Variants in RAD51B observed in about 807,000 individuals in gnomAD.
The protein encoded by RAD51B is RAD51 paralog B, also known as DNA repair protein RAD51 homolog 2.
RAD51B carries 38 observed loss-of-function variants against 42.2 expected under a neutral mutation model. The ratio of observed to expected loss-of-function variants is 0.90; its 90% CI spans 0.70 to 1.18. The LOEUF (loss-of-function observed/expected upper bound fraction) is 1.18, where lower values mean the gene tolerates loss of function less well. RAD51B is among the 50% of genes most tolerant of loss of function. RAD51B has a pLI of 0.00. For synonymous variants in RAD51B, 154 were observed against 145.2 expected (o/e 1.06, Z -0.43); for missense variants, 373 against 400.7 (o/e 0.93, Z 0.59).
intron 7 of RAD51B, among the ~76,000 whole-genome samples, chr14:68,167,268 T>C (rs959191421): frequency 5.3e-5 from 8 of 152,168 alleles, no homozygotes; most frequent in African/African-American, 1.9e-4. Context: ...ACATGCCATG[T>C]TGTTGGACAT....
At chr14:67,912,768 C>T (rs1250376368) in intron 7 of RAD51B, among the ~76,000 whole-genome samples, 4 of 151,048 alleles carry the variant, frequency 2.6e-5, no homozygotes, top group Middle Eastern at 3.4e-3. Context: ...TGCAGTGGCG[C>T]GATCTCGGCT....
intron 8 of RAD51B, among the ~76,000 whole-genome samples, chr14:68,318,166 C>T (rs35962683): frequency 0.015 from 2,246 of 152,298 alleles, 54 homozygotes; most frequent in African/African-American, 0.05. Context: ...GATTAAAAAA[C>T]GTTTTTGACC....
At chr14:68,662,872 T>G (rs542856723) in intron 11 of RAD51B, among the ~76,000 whole-genome samples, 1 of 152,296 alleles carries the variant, frequency 6.6e-6, no homozygotes, top group Non-Finnish European at 1.5e-5. Context: ...GCATCTCCAT[T>G]TGCCCCTCCA....
intron 8 of RAD51B, among the ~76,000 whole-genome samples, chr14:68,353,643 G>A (rs1026641475): frequency 6.6e-6 from 1 of 152,216 alleles, no homozygotes; most frequent in African/African-American, 2.4e-5. Flanking sequence ...CAGCAGAGAG[G>A]ATAAAAACGT....
intron 7 of RAD51B, among the ~76,000 whole-genome samples, chr14:68,251,311 G>A (rs755798971): frequency 1.4e-4 from 22 of 152,138 alleles, no homozygotes; most frequent in Non-Finnish European, 3.1e-4. Context: ...CTGAGTTTAT[G>A]CACCTCGATG....
At chr14:68,518,282 C>G (rs1210950471) in intron 10 of RAD51B, among the ~76,000 whole-genome samples, 1 of 152,192 alleles carries the variant, frequency 6.6e-6, no homozygotes, top group Non-Finnish European at 1.5e-5. Flanking sequence ...TCCTCTCACT[C>G]CCAAAAGGCA....
chr14:67,948,933 A>G (rs2074388285), intron 7 of RAD51B, among the ~76,000 whole-genome samples: 1 of 129,836 alleles, frequency 7.7e-6, no homozygotes, highest in African/African-American at 3.4e-5. Context: ...CTCTGTCTCA[A>G]AAAAAAAAAA....
chr14:68,477,804 G>T lies in RAD51B; in HGVS notation c.*140G>T, dbSNP rs35218790. 7.1e-5 allele frequency: 106 copies of T among 1,502,846 alleles called. No homozygotes were observed. The highest frequency in any genetic ancestry group is 6.0e-4 in the Admixed American group (23 of 38,186). 93.1% of individuals were successfully genotyped at this position (1,502,846 alleles called of 1,614,324 possible). Reference sequence around the variant, plus strand: ...TTGCTGTTGAGATGGTAACAGATTTGCTCCTAAACCATTGAGCTAGCGATT... The same window carrying T: ...TTGCTGTTGAGATGGTAACAGATTTTCTCCTAAACCATTGAGCTAGCGATT... On this transcript the variant is annotated 3_prime_UTR_variant, in exon 11 of 11. Coordinates refer to ENST00000471583, the MANE Select transcript of RAD51B (RefSeq NM_133510.4).
intron 7 of RAD51B, among the ~76,000 whole-genome samples, chr14:68,077,836 A>G (rs2076857399): frequency 6.6e-6 from 1 of 152,198 alleles, no homozygotes; most frequent in African/African-American, 2.4e-5. Context: ...CAAGCCTGTA[A>G]TCCCAGCTAC....
At chr14:68,389,847 C>T (rs2083696903) in intron 8 of RAD51B, among the ~76,000 whole-genome samples, 1 of 152,214 alleles carries the variant, frequency 6.6e-6, no homozygotes, top group African/African-American at 2.4e-5. Flanking sequence ...TCACTGATTG[C>T]TAGGGAAATC....
At chr14:68,024,683 A>AT (rs1004111795) in intron 7 of RAD51B, among the ~76,000 whole-genome samples, 12 of 151,862 alleles carry the variant, frequency 7.9e-5, no homozygotes, top group African/African-American at 1.5e-4. Context: ...TTATACATTG[A>AT]TTTTTTTTAA....
intron 7 of RAD51B, among the ~76,000 whole-genome samples, chr14:67,955,854 T>C (rs1159236048): frequency 1.3e-5 from 2 of 152,194 alleles, no homozygotes; most frequent in East Asian, 3.8e-4. Context: ...GGAGTACATG[T>C]AGAATTTGGA....
intron 8 of RAD51B, among the ~76,000 whole-genome samples, chr14:68,362,554 A>G (rs1231319365): frequency 6.6e-6 from 1 of 152,120 alleles, no homozygotes; most frequent in Admixed American, 6.5e-5. Context: ...CAGACCTGAA[A>G]GAAACATAAC....
intron 10 of RAD51B, chr14:68,563,738 G>A: frequency 1.0e-6 from 1 of 985,388 alleles, no homozygotes; most frequent in Non-Finnish European, 1.2e-6. Flanking sequence ...AGAGGGAGAG[G>A]TGGTGGGGAG....
intron 7 of RAD51B, among the ~76,000 whole-genome samples, chr14:67,980,461 G>A (rs868728511): frequency 3.3e-4 from 50 of 152,100 alleles, no homozygotes; most frequent in Middle Eastern, 3.4e-3. Context: ...AAAAAAAAGT[G>A]GAAAAAATTA....
At chr14:68,059,565 T>C (rs574527255) in intron 7 of RAD51B, among the ~76,000 whole-genome samples, 2 of 152,214 alleles carry the variant, frequency 1.3e-5, no homozygotes, top group Non-Finnish European at 2.9e-5. Context: ...GCCCGTAATA[T>C]TCCCTTTTGC....
At chr14:68,064,925 T>G (rs1462711685) in intron 7 of RAD51B, among the ~76,000 whole-genome samples, 2 of 152,204 alleles carry the variant, frequency 1.3e-5, no homozygotes, top group African/African-American at 2.4e-5. Context: ...TCTTGCTGAG[T>G]TTAAGATTTT....
chr14:67,857,700 G>A (rs8007534), intron 4 of RAD51B, among the ~76,000 whole-genome samples: 1 of 152,178 alleles, frequency 6.6e-6, no homozygotes, highest in East Asian at 1.9e-4. Context: ...TCCTCTGCTA[G>A]TTAGCACTCT....
Position 68,574,472 on chromosome 14 carries a change from T to A in RAD51B, c.1037-20013T>A, listed in dbSNP as rs562077101. ...AAAACCCAGTCCAGCCCACCAGACA[T>A]TATTTAAAAATAATCCAACTGAGAC... On this transcript the variant is annotated intron_variant, in intron 10 of 10. Coordinates refer to the RAD51B transcript ENST00000487270. 6.6e-5 allele frequency among the ~76,000 whole-genome samples: 10 copies of A among 152,338 alleles called. No individual in the cohort carries two copies. The South Asian group carries it at 2.1e-3, about 32-fold the overall frequency.
Sources: allele counts gnomAD v4.1 joint callset (sites outside exome capture counted in the v4.1 genomes callset), GRCh38; gene constraint gnomAD v4.1.1; transcripts MANE v1.5; gene names NCBI Gene and HGNC (gene_info 2026-07-23, HGNC 2026-07-21).